Variants in CALN1 observed in about 807,000 individuals in gnomAD.
CALN1 encodes the protein calneuron 1.
Under a neutral mutation model 30.6 loss-of-function variants are expected in CALN1, and 17 were observed. That is an observed-to-expected ratio of 0.56 (90% confidence interval 0.38 to 0.83). The LOEUF is 0.83. CALN1 is among the 40% of genes least tolerant of loss of function. CALN1 has a pLI of 0.00. For missense variants in CALN1, 291 were observed against 354.9 expected, an observed-to-expected ratio of 0.82 and a Z score of 1.45; for synonymous variants, 156 against 131.4, an observed-to-expected ratio of 1.19 and a Z score of -1.28.
At chr7:72,484,753 A>G in the CALN1 span, among the ~76,000 whole-genome samples, 1 of 152,098 alleles carries the variant, frequency 6.6e-6, no homozygotes, top group Non-Finnish European at 1.5e-5. Context: ...CACTCCCACA[A>G]CACTGCCTGA....
intron 1 of CALN1, among the ~76,000 whole-genome samples, chr7:72,437,966 T>G (rs1808228136): frequency 6.9e-6 from 1 of 145,398 alleles, no homozygotes; most frequent in South Asian, 2.3e-4. Flanking sequence ...TCCTTCTTTC[T>G]CCCTTCCCTT....
intron 5 of CALN1, among the ~76,000 whole-genome samples, chr7:71,846,524 G>C (rs1790243917): frequency 6.6e-6 from 1 of 152,060 alleles, no homozygotes; most frequent in African/African-American, 2.4e-5. Flanking sequence ...GTGTGTGTAT[G>C]TGTGCGCGTG....
intron 5 of CALN1, among the ~76,000 whole-genome samples, chr7:71,828,780 G>A (rs748331258): frequency 2.7e-5 from 4 of 149,752 alleles, no homozygotes; most frequent in Non-Finnish European, 5.9e-5. Context: ...ACGGAATCTC[G>A]CTCTGTTGCC....
chr7:71,855,907 T>C (rs562760948), intron 5 of CALN1, among the ~76,000 whole-genome samples: 1 of 152,280 alleles, frequency 6.6e-6, no homozygotes, highest in South Asian at 2.1e-4. Flanking sequence ...GCTTTTTCAT[T>C]TATTTTATTT....
chr7:72,023,060 C>A (rs1205001774), intron 5 of CALN1, among the ~76,000 whole-genome samples: 1 of 151,780 alleles, frequency 6.6e-6, no homozygotes, highest in East Asian at 1.9e-4. Flanking sequence ...TGATTGATAA[C>A]CCACTCCCTA....
In CALN1 at chr7:72,292,201, C is replaced by G. The variant is rs771880664; in HGVS notation, c.120-13391G>C. Among the ~76,000 whole-genome samples, 63 of 151,946 alleles carry G rather than the reference C, an allele frequency of 4.1e-4. 1 individual carries two copies. Among genetic ancestry groups the G allele is most frequent in the Admixed American group, 7.9e-4 (12 of 15,266 alleles). On this transcript the variant is annotated intron_variant, in intron 2 of 6. Transcript: ENST00000395275. ...ATAACAGAATATGTGGCTTAAACAA[C>G]AAACATTTATTTCTCATGGTTCTCA...
At chr7:72,081,408 T>G (rs560936496) in intron 4 of CALN1, among the ~76,000 whole-genome samples, 18 of 137,282 alleles carry the variant, frequency 1.3e-4, no homozygotes, top group Admixed American at 3.1e-4. Context: ...AATCATAGGG[T>G]GTGTGTGTGT....
At chr7:71,799,196 T>C (rs1472753364) in intron 6 of CALN1, among the ~76,000 whole-genome samples, 1 of 152,198 alleles carries the variant, frequency 6.6e-6, no homozygotes, top group Non-Finnish European at 1.5e-5. Flanking sequence ...AATATTGTCA[T>C]GGATGATGTT....
intron 5 of CALN1, among the ~76,000 whole-genome samples, chr7:71,845,442 T>C (rs921164391): frequency 6.6e-6 from 1 of 152,214 alleles, no homozygotes; most frequent in Non-Finnish European, 1.5e-5. Context: ...TTCTAGAGGC[T>C]GGCTCTAAGG....
chr7:72,195,584 G>A (rs1390938238), intron 3 of CALN1, among the ~76,000 whole-genome samples: 1 of 152,040 alleles, frequency 6.6e-6, no homozygotes, highest in Non-Finnish European at 1.5e-5. Flanking sequence ...TCACTATGTT[G>A]TCCAGGCTGC....
intron 2 of CALN1, among the ~76,000 whole-genome samples, chr7:72,307,041 A>G (rs1167764318): frequency 6.6e-6 from 1 of 152,216 alleles, no homozygotes; most frequent in Non-Finnish European, 1.5e-5. Context: ...GTCGACAGCA[A>G]ATATGATTGA....
chr7:71,904,135 T>C (rs1199617901), intron 5 of CALN1, among the ~76,000 whole-genome samples: 5 of 152,184 alleles, frequency 3.3e-5, no homozygotes, highest in Non-Finnish European at 7.4e-5. Context: ...ATGGCAAACA[T>C]TATGGAGGTT....
intron 3 of CALN1, among the ~76,000 whole-genome samples, chr7:72,256,365 T>A (rs502865): frequency 0.013 from 1,984 of 152,010 alleles, 40 homozygotes; most frequent in African/African-American, 0.045. Flanking sequence ...GAGGCTGAGG[T>A]AGGAAGATCA....
At chr7:72,427,507 G>A (rs560657873) in intron 1 of CALN1, among the ~76,000 whole-genome samples, 1 of 152,238 alleles carries the variant, frequency 6.6e-6, no homozygotes, top group South Asian at 2.1e-4. Context: ...TTAGGATGAA[G>A]GGGACCTGAT....
At chr7:72,097,903 G>A (rs1806357354) in intron 4 of CALN1, among the ~76,000 whole-genome samples, 1 of 151,984 alleles carries the variant, frequency 6.6e-6, no homozygotes, top group South Asian at 2.1e-4. Context: ...TATTAGAGAT[G>A]GGGTTTCACC....
At chr7:72,028,130 C>T (rs796924806) in intron 4 of CALN1, among the ~76,000 whole-genome samples, 7 of 151,410 alleles carry the variant, frequency 4.6e-5, no homozygotes, top group African/African-American at 1.7e-4. Flanking sequence ...CTGCTCCTGA[C>T]CGTGATATAA....
At chr7:72,209,034 T>TCC (rs1245350054) in intron 3 of CALN1, among the ~76,000 whole-genome samples, 13 of 4,614 alleles carry the variant, frequency 2.8e-3, no homozygotes, top group African/African-American at 0.014. Flanking sequence ...CCCTCCTTCC[T>TCC]TCTCTCTCTC....
At chr7:72,142,133 G>C (rs930573957) in intron 3 of CALN1, among the ~76,000 whole-genome samples, 1 of 152,186 alleles carries the variant, frequency 6.6e-6, no homozygotes, top group Non-Finnish European at 1.5e-5. Context: ...GTGCAGGACA[G>C]TGGGTGCAGT....
intron 3 of CALN1, among the ~76,000 whole-genome samples, chr7:72,225,788 T>A (rs776411819): frequency 1.1e-4 from 16 of 152,120 alleles, no homozygotes; most frequent in Admixed American, 3.9e-4. Context: ...ACTGTGCATA[T>A]CTTCTGCAAG....
Sources: allele counts gnomAD v4.1 joint callset (sites outside exome capture counted in the v4.1 genomes callset), GRCh38; gene constraint gnomAD v4.1.1; transcripts MANE v1.5; gene names NCBI Gene and HGNC (gene_info 2026-07-23, HGNC 2026-07-21).